Variants in SLC4A10 observed in about 807,000 individuals in gnomAD.
SLC4A10 encodes sodium-driven chloride bicarbonate exchanger.
Under a neutral mutation model 137.7 loss-of-function variants are expected in SLC4A10, and 42 were observed. The ratio of observed to expected loss-of-function variants is 0.30; its 90% CI spans 0.24 to 0.39. The LOEUF is 0.39. Ranked by LOEUF, SLC4A10 falls within the 10% of genes least tolerant of loss-of-function variation. The pLI is 1.00. For synonymous variants in SLC4A10, 474 were observed against 464.1 expected (o/e 1.02, Z -0.27); for missense variants, 925 against 1,355.0 (o/e 0.68, Z 4.98).
chr2:161,791,531 C>A (rs1325663313), intron 2 of SLC4A10, among the ~76,000 whole-genome samples: 1 of 152,120 alleles, frequency 6.6e-6, no homozygotes, highest in Non-Finnish European at 1.5e-5. Context: ...GGCTTAATAC[C>A]TAGATGATGG....
chr2:161,944,243 A>C (rs372616524), intron 16 of SLC4A10, among the ~76,000 whole-genome samples: 188 of 151,988 alleles, frequency 1.2e-3, no homozygotes, highest in South Asian at 5.8e-3. Flanking sequence ...ATGATTAATG[A>C]AATCATTAGT....
At chr2:161,768,703 C>A (rs1262231774) in intron 1 of SLC4A10, among the ~76,000 whole-genome samples, 1 of 151,972 alleles carries the variant, frequency 6.6e-6, no homozygotes, top group Non-Finnish European at 1.5e-5. Context: ...ATCAACTAAC[C>A]AATACCATAG....
intron 15 of SLC4A10, among the ~76,000 whole-genome samples, chr2:161,926,120 T>A (rs1354504152): frequency 6.6e-6 from 1 of 152,060 alleles, no homozygotes; most frequent in African/African-American, 2.4e-5. Flanking sequence ...CAACTTTCTG[T>A]CTCGTTGATC....
chr2:161,813,724 A>G (rs905776325), intron 3 of SLC4A10, among the ~76,000 whole-genome samples: 36 of 152,054 alleles, frequency 2.4e-4, no homozygotes, highest in African/African-American at 7.0e-4. Context: ...TCTTACAAGT[A>G]TTTCATGAGC....
rs774666561 is a variant in SLC4A10, at chr2:161,950,775, T to C, written c.2468T>C (p.Leu823Pro). 6.2e-7 allele frequency: 1 copy of C among 1,602,472 alleles called. No homozygotes were observed. The highest frequency in any genetic ancestry group is 8.5e-7 in the Non-Finnish European group (1 of 1,173,818). Reference sequence around the variant, plus strand: ...ATAGCTGCTATAATTCCAGCTCTGCTTTGTACTATTCTAATTTTTATGGAC... The same window carrying C: ...ATAGCTGCTATAATTCCAGCTCTGCCTTGTACTATTCTAATTTTTATGGAC... ...TVIAAIIPAL[L>P]CTILIFMDQQ... The change falls in exon 19 of 27, where the codon CTT (leucine) becomes CCT (proline). Residue 823 changes from leucine (L) to proline (P), a missense_variant. Physicochemically the swap from Leu to Pro is moderately conservative, Grantham distance 98. Coordinates refer to ENST00000446997, the MANE Select transcript of SLC4A10 (RefSeq NM_001178015.2).
chr2:161,636,517 G>T (rs1366680560), intron 1 of SLC4A10, among the ~76,000 whole-genome samples: 2 of 151,916 alleles, frequency 1.3e-5, no homozygotes, highest in East Asian at 3.9e-4. Context: ...GCCTTATCTT[G>T]CTGAGTAGCT....
intron 2 of SLC4A10, among the ~76,000 whole-genome samples, chr2:161,799,234 A>G (rs543638676): frequency 2.6e-5 from 4 of 151,972 alleles, no homozygotes; most frequent in South Asian, 2.1e-4. Context: ...TATTTATAAA[A>G]TAAAAATTAT....
chr2:161,966,735 CA>C (rs11322395), intron 23 of SLC4A10, among the ~76,000 whole-genome samples: 89,964 of 125,508 alleles, frequency 0.72, 28,845 homozygotes, highest in East Asian at 0.98. Context: ...GACTCCGTCT[CA>C]AAAAAAAAAA....
chr2:161,764,811 T>A (rs1252847325), intron 1 of SLC4A10, among the ~76,000 whole-genome samples: 1 of 152,142 alleles, frequency 6.6e-6, no homozygotes, highest in Non-Finnish European at 1.5e-5. Context: ...AACCTTTTTT[T>A]GCTATTGCTC....
chr2:161,942,709 A>G lies in SLC4A10; in HGVS notation c.1998-83A>G, dbSNP rs1022814588. On this transcript the variant is annotated intron_variant, in intron 15 of 26. Coordinates refer to ENST00000446997, the MANE Select transcript of SLC4A10 (RefSeq NM_001178015.2). The stretch of plus-strand genomic sequence containing the variant: ...AAATAGAGGAATGCTGTGACTGGAG[A>G]AAATGGAGCCGTTATACATTAGTCT... The G allele has an allele frequency of 8.9e-6, 9 of 1,010,818 alleles. No individual in the cohort carries two copies. The Admixed American group carries it at 1.0e-4, about 11-fold the overall frequency. The allele number at this position is 1,010,818 out of a possible 1,614,324, so 62.6% of individuals were successfully genotyped here.
At chr2:161,740,536 G>T (rs911113459) in intron 1 of SLC4A10, among the ~76,000 whole-genome samples, 2 of 152,160 alleles carry the variant, frequency 1.3e-5, no homozygotes, top group African/African-American at 4.8e-5. Context: ...TGATAGCAAG[G>T]TATTAAATGC....
intron 9 of SLC4A10, among the ~76,000 whole-genome samples, chr2:161,879,905 A>G (rs115285217): frequency 0.014 from 2,103 of 152,216 alleles, 23 homozygotes; most frequent in Non-Finnish European, 0.022. Flanking sequence ...TCATTTAACA[A>G]TAAAATAACA....
intron 1 of SLC4A10, among the ~76,000 whole-genome samples, chr2:161,725,493 G>A (rs1175963289): frequency 6.6e-6 from 1 of 152,180 alleles, no homozygotes; most frequent in Non-Finnish European, 1.5e-5. Context: ...AACAGTTTCA[G>A]AATGCAAAGT....
At chr2:161,637,129 A>G (rs1265536586) in intron 1 of SLC4A10, among the ~76,000 whole-genome samples, 1 of 139,098 alleles carries the variant, frequency 7.2e-6, no homozygotes, top group African/African-American at 2.6e-5. Context: ...ATCTATATAC[A>G]TAAATACGTA....
At chr2:161,699,234 A>T (rs1425803373) in intron 1 of SLC4A10, among the ~76,000 whole-genome samples, 1 of 151,978 alleles carries the variant, frequency 6.6e-6, no homozygotes, top group African/African-American at 2.4e-5. Context: ...GTTAGCGAAG[A>T]TGGTCTCGAT....
intron 2 of SLC4A10, among the ~76,000 whole-genome samples, chr2:161,772,112 T>C (rs1458046955): frequency 6.6e-6 from 1 of 151,878 alleles, no homozygotes; most frequent in African/African-American, 2.4e-5. Context: ...TGCACAAACA[T>C]ACTCAGATCT....
At chr2:161,632,661 T>G (rs779030063) in intron 1 of SLC4A10, among the ~76,000 whole-genome samples, 4 of 151,408 alleles carry the variant, frequency 2.6e-5, no homozygotes, top group Admixed American at 6.6e-5. Flanking sequence ...ACCACCTGCA[T>G]CAGAATTGTC....
chr2:161,843,566 G>A (rs915549021), intron 4 of SLC4A10, among the ~76,000 whole-genome samples: 3 of 152,066 alleles, frequency 2.0e-5, no homozygotes, highest in African/African-American at 7.2e-5. Flanking sequence ...AATGATTCAG[G>A]GAAGGGCAGA....
At chr2:161,823,352 A>G (rs1307728222) in intron 3 of SLC4A10, among the ~76,000 whole-genome samples, 2 of 152,230 alleles carry the variant, frequency 1.3e-5, no homozygotes, top group Non-Finnish European at 2.9e-5. Flanking sequence ...CTATTGTGTG[A>G]GTGCAAGTGT....
Sources: gnomAD v4.1 joint callset for allele counts (sites outside exome capture counted in the v4.1 genomes callset) on GRCh38, gnomAD v4.1.1 for gene constraint, MANE v1.5 for transcripts, NCBI Gene and HGNC (gene_info 2026-07-23, HGNC 2026-07-21) for gene names.